Variants in CACNA1G observed in about 807,000 individuals in gnomAD.
CACNA1G encodes the protein calcium voltage-gated channel subunit alpha1 G.
CACNA1G carries 67 observed loss-of-function variants against 219.4 expected under a neutral mutation model. The ratio of observed to expected loss-of-function variants is 0.31; its 90% CI spans 0.25 to 0.37. The LOEUF (loss-of-function observed/expected upper bound fraction) is 0.37, where lower values mean the gene tolerates loss of function less well. Ranked by LOEUF, CACNA1G falls within the 10% of genes least tolerant of loss-of-function variation. The pLI is 1.00. For missense variants in CACNA1G, 2,380 were observed against 3,231.4 expected (o/e 0.74, Z 6.39); for synonymous variants, 1,296 against 1,345.3 (o/e 0.96, Z 0.80).
chr17:50,618,029 T>C lies in CACNA1G; in HGVS notation c.5227-19T>C, dbSNP rs1025718552. The C allele has an allele frequency of 6.2e-7, 1 of 1,613,640 alleles. No homozygotes were observed. The highest frequency in any genetic ancestry group is 8.5e-7 in the Non-Finnish European group (1 of 1,179,640). ...GGAGACCCAGCGGCATCGTTTCTAT[T>C]TCTTCTCCTTTTTTCCAGGTGGGGA... On this transcript the variant is annotated intron_variant, in intron 30 of 37. Transcript: ENST00000359106. The surrounding 1 kb of genome is among the most constrained non-coding windows in gnomAD (Gnocchi z 5.3).
chr17:50,599,058 G>A (rs1182664020), intron 16 of CACNA1G, among the ~76,000 whole-genome samples: 1 of 152,180 alleles, frequency 6.6e-6, no homozygotes, highest in Non-Finnish European at 1.5e-5. Flanking sequence ...TGTCTATTCA[G>A]GCCCTTTGCC....
At chr17:50,562,453 T>C (rs1021547676) in intron 1 of CACNA1G, among the ~76,000 whole-genome samples, 10 of 152,116 alleles carry the variant, frequency 6.6e-5, no homozygotes, top group Non-Finnish European at 1.3e-4. Context: ...GTGGAGCCCC[T>C]TTCCGCTAGA....
intron 25 of CACNA1G, 62 bp from the exon 26 acceptor site, chr17:50,609,820 G>C: frequency 6.6e-7 from 1 of 1,513,540 alleles, no homozygotes; most frequent in African/African-American, 1.4e-5. Context: ...AGCCGCCCCT[G>C]AGGGGCCCTG....
Position 50,607,686 on chromosome 17 carries a change from A to G in CACNA1G, c.4513-141A>G, listed in dbSNP as rs2048227523. 1.9e-5 allele frequency: 13 copies of G among 687,456 alleles called. 1 individual carries two copies. In the South Asian group the frequency reaches 2.3e-4, roughly 12 times the overall value. The allele number at this position is 687,456 out of a possible 1,614,324, so 42.6% of individuals were successfully genotyped here. On this transcript the variant is annotated intron_variant, in intron 24 of 37. Coordinates refer to ENST00000359106, the MANE Select transcript of CACNA1G (RefSeq NM_018896.5). ...TCCCCGCCCCTCCCTACTGCTTCACATCAAACCCACACCATTCATTTCCAT... is the reference window on the plus strand; with the variant it reads ...TCCCCGCCCCTCCCTACTGCTTCACGTCAAACCCACACCATTCATTTCCAT...
Position 50,618,439 on chromosome 17 carries a change from G to A in CACNA1G, c.5427+96G>A. The A allele has an allele frequency of 6.6e-7, 1 of 1,509,842 alleles. No homozygotes were observed. The highest frequency in any genetic ancestry group is 9.1e-7 in the Non-Finnish European group (1 of 1,099,490). 93.5% of individuals were successfully genotyped at this position (1,509,842 alleles called of 1,614,324 possible). A position where few individuals can be genotyped will look rare whatever the true frequency, so the allele number is the denominator to read the frequency against. On this transcript the variant is annotated intron_variant, in intron 32 of 37. Transcript: ENST00000359106. The surrounding 1 kb of genome is among the most constrained non-coding windows in gnomAD (Gnocchi z 5.3). The stretch of plus-strand genomic sequence containing the variant: ...ATGAATTGGCCACAAATAAAAGCAT[G>A]TGACCTTCTCTCCCCCGTGCTAGAA...
chr17:50,576,041 C>T lies in CACNA1G; in HGVS notation c.1639C>T (p.Pro547Ser), dbSNP rs1430072407. ...GACGCCTGCCCTCTCCGGGGCCCCCCCTGGTGGCGCAGAGTCTGTGCACAG... is the reference window on the plus strand; with the variant it reads ...GACGCCTGCCCTCTCCGGGGCCCCCTCTGGTGGCGCAGAGTCTGTGCACAG... ...PSTPALSGAP[P>S]GGAESVHSFY... is the part of the protein sequence containing the mutation. Residue 547 changes from proline (P) to serine (S), a missense_variant, in exon 8 of 38, where the codon CCT (proline) becomes TCT (serine). Physicochemically the swap from Pro to Ser is moderately conservative, Grantham distance 74 (BLOSUM62 -1). Coordinates refer to ENST00000359106, the MANE Select transcript of CACNA1G (RefSeq NM_018896.5). The T allele has an allele frequency of 6.4e-7, 1 of 1,573,512 alleles. No individual in the cohort carries two copies. The highest frequency in any genetic ancestry group is 1.7e-4 in the Middle Eastern group (1 of 6,022).
chr17:50,571,360 G>T lies in CACNA1G; in HGVS notation c.587-518G>T, dbSNP rs940803216. Among the ~76,000 whole-genome samples the T allele has an allele frequency of 6.6e-6, 1 of 152,186 alleles. No individual in the cohort carries two copies. The highest frequency in any genetic ancestry group is 1.5e-5 in the Non-Finnish European group (1 of 68,042). Reference sequence around the variant, plus strand: ...CTCAGTTTCCCTAATGACTCTGGTGGTGATAACTTAGAAAGGTCAAGTGAC... The same window carrying T: ...CTCAGTTTCCCTAATGACTCTGGTGTTGATAACTTAGAAAGGTCAAGTGAC... On this transcript the variant is annotated intron_variant, in intron 4 of 37. Coordinates refer to ENST00000359106, the MANE Select transcript of CACNA1G (RefSeq NM_018896.5). This position sits in a 1 kb window ranked among gnomAD's most constrained non-coding sequence, Gnocchi z 4.3.
At chr17:50,606,325 T>C (rs2047959212) in intron 23 of CACNA1G, 2 of 656,136 alleles carry the variant, frequency 3.0e-6, no homozygotes, top group Admixed American at 2.2e-5. Flanking sequence ...CACGTGGCAG[T>C]GGGGGCAGGC....
At chr17:50,595,699 C>G (rs754975435) in intron 14 of CACNA1G, among the ~76,000 whole-genome samples, 1 of 152,272 alleles carries the variant, frequency 6.6e-6, no homozygotes, top group Non-Finnish European at 1.5e-5. Context: ...TCTGCTGTTC[C>G]CTGCCCCAGC....
rs201938550 is a variant in CACNA1G, at chr17:50,603,101, C to T, written c.4071C>T (p.Ser1357=). The change falls in exon 21 of 38, where the codon TCC becomes TCT. Residue 1357 remains serine (S), a synonymous_variant. Coordinates refer to ENST00000359106, the MANE Select transcript of CACNA1G (RefSeq NM_018896.5). This position sits in a 1 kb window ranked among gnomAD's most constrained non-coding sequence, Gnocchi z 6.4. ...NVLDGLLVLI[S]VIDILVSMVS... ...TGGACGGGCTGTTGGTGCTCATCTC[C>T]GTCATCGACATTCTGGTGTCCATGG... The T allele has an allele frequency of 6.8e-5, 109 of 1,613,506 alleles. No individual in the cohort carries two copies. Among genetic ancestry groups the T allele is most frequent in the Non-Finnish European group, 8.4e-5 (99 of 1,179,748 alleles).
chr17:50,619,892 C>T (rs1368773471), intron 34 of CACNA1G, 66 bp downstream of exon 34: 4 of 1,464,232 alleles, frequency 2.7e-6, no homozygotes, highest in Non-Finnish European at 3.6e-6. Flanking sequence ...CTGTGCCATG[C>T]TTCTGGGGAA....
rs1231515784 is a variant in CACNA1G at position 50,606,978 on chromosome 17, G to A, written c.4501G>A (p.Val1501Met). 4 of 1,613,180 alleles carry A rather than the reference G, an allele frequency of 2.5e-6. No individual in the cohort carries two copies. Among genetic ancestry groups the A allele is most frequent in the Non-Finnish European group, 3.4e-6 (4 of 1,179,250 alleles). ...IMYDGLDAVG[V>M]DQQPIMNHNP... is the part of the protein sequence containing the mutation. ...GTACGATGGGCTGGATGCTGTGGGC[G>A]TGGACCAGCAGGTAGGGCTGAGGTG... The change falls in exon 24 of 38, where the codon GTG (valine) becomes ATG (methionine). Residue 1501 changes from valine to methionine, a missense_variant. Around this residue, in one of 17 missense-constraint regions of CACNA1G, gnomAD observed 153 missense variants for 374.9 expected, o/e 0.41. Transcript: ENST00000359106.
At chr17:50,565,725 C>G (rs2037630065) in intron 1 of CACNA1G, among the ~76,000 whole-genome samples, 1 of 152,188 alleles carries the variant, frequency 6.6e-6, no homozygotes, top group Admixed American at 6.5e-5. Context: ...CTACTTTCCT[C>G]ACCCTTGCGG....
At position 50,591,835 on chromosome 17, in the gene CACNA1G, C is replaced by T. The variant is rs1337672100; in HGVS notation, c.2736C>T (p.Ala912=). Reference sequence around the variant, plus strand: ...AGAATTTTGACTCCTTGCTCTGGGCCATCGTCACTGTCTTTCAGGTGCGAG... The same window carrying T: ...AGAATTTTGACTCCTTGCTCTGGGCTATCGTCACTGTCTTTCAGGTGCGAG... ...DRKNFDSLLW[A]IVTVFQILTQ... The change falls in exon 12 of 38, where the codon GCC becomes GCT. Residue 912 remains alanine, a synonymous_variant. Transcript: ENST00000359106. The T allele has an allele frequency of 6.2e-7, 1 of 1,613,844 alleles. No homozygotes were observed. Among genetic ancestry groups the T allele is most frequent in the Non-Finnish European group, 8.5e-7 (1 of 1,179,870 alleles).
intron 24 of CACNA1G, chr17:50,607,552 GAA>G: frequency 2.2e-6 from 1 of 445,500 alleles, no homozygotes; most frequent in Non-Finnish European, 4.0e-6. Flanking sequence ...GTCTACTCAG[GAA>G]AAGTCTGAAG....
At chr17:50,601,845 C>A (rs1159145715) in intron 19 of CACNA1G, among the ~76,000 whole-genome samples, 2 of 152,160 alleles carry the variant, frequency 1.3e-5, no homozygotes, top group African/African-American at 4.8e-5. Flanking sequence ...CTCACGGCAT[C>A]CTGCACCACT....
intron 7 of CACNA1G, chr17:50,573,441 A>G (rs1390436449): frequency 8.3e-6 from 2 of 241,442 alleles, no homozygotes; most frequent in Non-Finnish European, 1.6e-5. Flanking sequence ...GGGCATTTGG[A>G]AATGGGAAAG....
rs374573766 is a variant in CACNA1G, at chr17:50,626,518, C to G, written c.6901C>G (p.Arg2301Gly). 4.5e-6 allele frequency: 7 copies of G among 1,572,424 alleles called. No individual in the cohort carries two copies. Among genetic ancestry groups the G allele is most frequent in the Non-Finnish European group, 3.4e-6 (4 of 1,161,394 alleles). The change falls in exon 38 of 38, where the codon CGG (arginine) becomes GGG (glycine). Residue 2301 changes from arginine to glycine, a missense_variant. Coordinates refer to ENST00000359106, the MANE Select transcript of CACNA1G (RefSeq NM_018896.5). This position sits in a 1 kb window ranked among gnomAD's most constrained non-coding sequence, Gnocchi z 4.3. ...GGQPLGGPGS[R>G]PKKKLSPPSI... ...CCAGCCTCTTGGGGGGCCTGGGAGC[C>G]GGCCCAAGAAAAAACTCAGCCCGCC...
At chr17:50,608,295 G>T (rs535365326) in intron 25 of CACNA1G, among the ~76,000 whole-genome samples, 16 of 152,112 alleles carry the variant, frequency 1.1e-4, no homozygotes, top group Non-Finnish European at 1.0e-4. Flanking sequence ...CCAAATGGAG[G>T]TTGACACCCA....
Sources: gnomAD v4.1 joint callset for allele counts (sites outside exome capture counted in the v4.1 genomes callset) on GRCh38, gnomAD v4.1.1 for gene constraint, gnomAD v4.1.1 regional missense constraint, Gnocchi (gnomAD v3.1) non-coding constraint, MANE v1.5 for transcripts, NCBI Gene and HGNC (gene_info 2026-07-23, HGNC 2026-07-21) for gene names.